The following MINDY2 variants were observed in gnomAD, a reference collection of about 807,000 sequenced individuals.
MINDY2 encodes the protein MINDY lysine 48 deubiquitinase 2.
A neutral mutation model predicts 68.2 loss-of-function variants in MINDY2; 52 were observed. That is an observed-to-expected ratio of 0.76 (90% CI 0.61 to 0.96). The LOEUF (loss-of-function observed/expected upper bound fraction) is 0.96, where lower values mean the gene tolerates loss of function less well. MINDY2 is among the 40% of genes least tolerant of loss of function. The pLI, the probability that MINDY2 is intolerant of heterozygous loss-of-function variation, is 0.00. For missense variants in MINDY2, 881 were observed against 773.4 expected, an observed-to-expected ratio of 1.14 and a Z score of -1.65; for synonymous variants, 372 against 303.0, an observed-to-expected ratio of 1.23 and a Z score of -2.36.
chr15:58,802,454 CATTT>C (rs1425028995), intron 3 of MINDY2, 77 bp downstream of exon 3: 54 of 921,644 alleles, frequency 5.9e-5, no homozygotes, highest in Middle Eastern at 3.5e-4. Context: ...TAGCTGGCAG[CATTT>C]TTCTATAAAG....
rs866297279 is a variant in MINDY2 at position 58,854,584 on chromosome 15, G to A, written c.1840G>A (p.Glu614Lys). ...PREKDKEKEK[E>K]KNSCVIL is the part of the protein sequence containing the mutation. ...AGAAAAAGATAAAGAAAAAGAAAAG[G>A]AAAAAAATAGCTGTGTTATTTTGTA... The change falls in exon 9 of 9, where the codon GAA (glutamate) becomes AAA (lysine). Residue 614 changes from glutamate (E) to lysine (K), a missense_variant. Physicochemically the swap from Glu to Lys is moderately conservative, Grantham distance 56. Coordinates refer to ENST00000559228, the MANE Select transcript of MINDY2 (RefSeq NM_001040450.3). The A allele has an allele frequency of 6.2e-7, 1 of 1,610,888 alleles. No individual in the cohort carries two copies. Among genetic ancestry groups the A allele is most frequent in the Non-Finnish European group, 8.5e-7 (1 of 1,179,574 alleles).
At chr15:58,812,935 G>A (rs2030397680) in intron 4 of MINDY2, among the ~76,000 whole-genome samples, 1 of 152,158 alleles carries the variant, frequency 6.6e-6, no homozygotes, top group African/African-American at 2.4e-5. Flanking sequence ...CCCGCCTGAT[G>A]CCCTTTTATA....
Position 58,771,641 on chromosome 15 carries a change from C to G in MINDY2, c.246C>G (p.Ser82=). Residue 82 remains serine (S), a synonymous_variant, in exon 1 of 9, where the codon TCC becomes TCG. Coordinates refer to ENST00000559228, the MANE Select transcript of MINDY2 (RefSeq NM_001040450.3). ...SPEVPGPCSS[S]AGLDLKDSGL... ...AGGTTCCCGGACCCTGCAGCTCCTC[C>G]GCGGGTTTGGACTTGAAGGACAGTG... The G allele has an allele frequency of 1.2e-6, 2 of 1,612,492 alleles. No individual in the cohort carries two copies. The highest frequency in any genetic ancestry group is 1.7e-6 in the Non-Finnish European group (2 of 1,179,890).
intron 2 of MINDY2, among the ~76,000 whole-genome samples, chr15:58,790,203 T>C (rs1277466902): frequency 6.6e-6 from 1 of 152,162 alleles, no homozygotes; most frequent in Non-Finnish European, 1.5e-5. Flanking sequence ...AAAAAGAAAA[T>C]CCCTCTTTTA....
intron 2 of MINDY2, among the ~76,000 whole-genome samples, chr15:58,789,231 G>A (rs988672770): frequency 5.9e-5 from 9 of 152,002 alleles, no homozygotes; most frequent in African/African-American, 1.9e-4. Flanking sequence ...CCAGCTACTC[G>A]GGAGGCTGAG....
chr15:58,802,254 G>A, intron 2 of MINDY2, 59 bp from the exon 3 acceptor site: 2 of 1,114,432 alleles, frequency 1.8e-6, no homozygotes, highest in South Asian at 2.9e-5. Flanking sequence ...TATTACTTTT[G>A]TAATCAGAAA....
rs1420587600 is a variant in MINDY2, at chr15:58,858,215, G to A, written c.*3605G>A. The stretch of plus-strand genomic sequence containing the variant: ...AAGGTCAGGTTCAGAGTTGAATGAA[G>A]TGTAGATTTAAATTTAGGATTAGGC... On this transcript the variant is annotated 3_prime_UTR_variant, in exon 9 of 9. Coordinates refer to ENST00000559228, the MANE Select transcript of MINDY2 (RefSeq NM_001040450.3). 3.3e-5 allele frequency: 5 copies of A among 152,170 alleles called. No homozygotes were observed. Among genetic ancestry groups the A allele is most frequent in the African/African-American group, 1.2e-4 (5 of 41,456 alleles). The allele number at this position is 152,170 out of a possible 1,614,324, so 9.4% of individuals were successfully genotyped here.
intron 4 of MINDY2, among the ~76,000 whole-genome samples, chr15:58,814,230 G>A (rs980571594): frequency 1.3e-5 from 2 of 152,102 alleles, no homozygotes; most frequent in Non-Finnish European, 2.9e-5. Context: ...GTGAGCCATC[G>A]CACCCAGCCT....
In MINDY2 at chr15:58,831,823, C is replaced by A. The variant is rs1182622816; in HGVS notation, c.1275C>A (p.Tyr425Ter). The A allele has an allele frequency of 6.2e-7, 1 of 1,613,614 alleles. No individual in the cohort carries two copies. The change falls in exon 6 of 9, where the codon TAC becomes TAA. Residue 425 changes from tyrosine to a stop codon, truncating the protein, a stop_gained. Transcript: ENST00000559228. LOFTEE classifies it high-confidence loss of function. The stretch of plus-strand genomic sequence containing the variant: ...ATAACACAGCCACTCAACTGACATA[C>A]CATGGATTATGTGAACTAACTTCAA... ...FLNNTATQLT[Y>*]HGLCELTSTV...
At chr15:58,842,651 C>T (rs959358830) in intron 6 of MINDY2, among the ~76,000 whole-genome samples, 3 of 152,080 alleles carry the variant, frequency 2.0e-5, no homozygotes, top group Non-Finnish European at 4.4e-5. Flanking sequence ...GAGATAGAAG[C>T]AGATAGACAC....
At chr15:58,803,410 G>A (rs371335431) in intron 3 of MINDY2, among the ~76,000 whole-genome samples, 117 of 151,800 alleles carry the variant, frequency 7.7e-4, no homozygotes, top group African/African-American at 2.6e-3. Flanking sequence ...GGAAGTTGCA[G>A]TGAGCTGGAA....
intron 1 of MINDY2, among the ~76,000 whole-genome samples, chr15:58,780,437 A>C (rs1901060237): frequency 6.6e-6 from 1 of 152,102 alleles, no homozygotes; most frequent in Non-Finnish European, 1.5e-5. Flanking sequence ...AAGTGCATAA[A>C]GTTTAAATAA....
intron 7 of MINDY2, 129 bp downstream of exon 7, chr15:58,847,599 C>T (rs2032600035): frequency 2.9e-6 from 2 of 686,570 alleles, no homozygotes; most frequent in Admixed American, 5.9e-5. Flanking sequence ...CTGACACTTC[C>T]TGAATAGTTG....
At chr15:58,831,227 A>G (rs528474350) in intron 5 of MINDY2, among the ~76,000 whole-genome samples, 2 of 152,178 alleles carry the variant, frequency 1.3e-5, no homozygotes, top group East Asian at 3.9e-4. Context: ...CATTTATCCC[A>G]CGGCTTTCTG....
chr15:58,824,671 CTTT>C (rs559754099), intron 5 of MINDY2, among the ~76,000 whole-genome samples: 7 of 135,164 alleles, frequency 5.2e-5, no homozygotes, highest in Admixed American at 1.5e-4. Context: ...ATCATATTAT[CTTT>C]TTTTTTTTTT....
intron 5 of MINDY2, among the ~76,000 whole-genome samples, chr15:58,822,398 G>C (rs184538642): frequency 6.6e-6 from 1 of 152,234 alleles, no homozygotes; most frequent in East Asian, 1.9e-4. Flanking sequence ...GGTATGGTCA[G>C]GTACCCAGAG....
intron 4 of MINDY2, among the ~76,000 whole-genome samples, chr15:58,818,651 ATTT>A (rs202083877): frequency 2.3e-5 from 3 of 131,520 alleles, no homozygotes; most frequent in East Asian, 2.2e-4. Context: ...TTGTATATTG[ATTT>A]TTTTTTTTTT....
At chr15:58,797,362 G>A (rs1902350584) in intron 2 of MINDY2, among the ~76,000 whole-genome samples, 1 of 152,132 alleles carries the variant, frequency 6.6e-6, no homozygotes, top group East Asian at 1.9e-4. Flanking sequence ...TAAAAAATTA[G>A]CCATGTGTGA....
rs2033092340 is a variant in MINDY2, at chr15:58,857,363, GTC to G, written c.*2757_*2758del. 6.6e-6 allele frequency: 1 copy of G among 152,034 alleles called. No individual in the cohort carries two copies. Among genetic ancestry groups the G allele is most frequent in the African/African-American group, 2.4e-5 (1 of 41,370 alleles). 9.4% of individuals were successfully genotyped at this position (152,034 alleles called of 1,614,324 possible). ...AGCCTGGCCAACATGGCAAAACCCTGTCTCTACTAAAAATACAATAATTAGCC... is the reference window on the plus strand; with the variant it reads ...AGCCTGGCCAACATGGCAAAACCCTGTCTACTAAAAATACAATAATTAGCC... On this transcript the variant is annotated 3_prime_UTR_variant, in exon 9 of 9. Coordinates refer to ENST00000559228, the MANE Select transcript of MINDY2 (RefSeq NM_001040450.3).
Sources: allele counts gnomAD v4.1 joint callset (sites outside exome capture counted in the v4.1 genomes callset), GRCh38; gene constraint gnomAD v4.1.1; transcripts MANE v1.5; gene names NCBI Gene and HGNC (gene_info 2026-07-23, HGNC 2026-07-21).